Variants in PPP6R2 observed in about 807,000 individuals in gnomAD.
PPP6R2 encodes serine/threonine-protein phosphatase 6 regulatory subunit 2.
A neutral mutation model predicts 100.2 loss-of-function variants in PPP6R2; 62 were observed. The ratio of observed to expected loss-of-function variants is 0.62; its 90% CI spans 0.50 to 0.76. The LOEUF is 0.76. PPP6R2 is among the 30% of genes least tolerant of loss of function. PPP6R2 has a pLI of 0.00. For missense variants in PPP6R2, 1,142 were observed against 1,276.3 expected, an observed-to-expected ratio of 0.89 and a Z score of 1.60; for synonymous variants, 525 against 514.7, an observed-to-expected ratio of 1.02 and a Z score of -0.27.
chr22:50,338,851 G>GGT (rs1290733377), upstream of PPP6R2, among the ~76,000 whole-genome samples: 1 of 139,484 alleles, frequency 7.2e-6, no homozygotes. Context: ...TGTGGTGTGT[G>GGT]GTGTGTGATG....
At chr22:50,388,851 A>T (rs1052545476) in intron 2 of PPP6R2, 1 of 151,566 alleles carries the variant, frequency 6.6e-6, no homozygotes, top group Non-Finnish European at 1.5e-5. Flanking sequence ...CAGCGTGGGG[A>T]CAGAGTGAGA....
intron 4 of PPP6R2, among the ~76,000 whole-genome samples, chr22:50,414,331 G>GCCCCCCCCC (rs57634612): frequency 1.1e-4 from 3 of 26,772 alleles, no homozygotes; most frequent in Admixed American, 5.3e-4. Flanking sequence ...CTGTGCAGTG[G>GCCCCCCCCC]CCCCCCCCCC....
intron 3 of PPP6R2, among the ~76,000 whole-genome samples, chr22:50,396,355 T>A (rs1252650415): frequency 6.6e-6 from 1 of 150,698 alleles, no homozygotes; most frequent in Non-Finnish European, 1.5e-5. Flanking sequence ...ATTTGCTGGG[T>A]GTGGTGGCAT....
At chr22:50,419,293 A>C (rs2060983877) in intron 7 of PPP6R2, 56 bp from the exon 8 acceptor site, 1 of 1,471,384 alleles carries the variant, frequency 6.8e-7, no homozygotes. Flanking sequence ...GCATCCTTGC[A>C]TCCTTTGTGT....
intron 1 of PPP6R2, 72 bp from the exon 2 acceptor site, chr22:50,371,948 T>C (rs2050317222): frequency 6.6e-6 from 1 of 152,290 alleles, no homozygotes; most frequent in Non-Finnish European, 1.5e-5. Context: ...CCTTTTCCTG[T>C]TGTCTGCCAT....
At chr22:50,392,538 C>G (rs1196593312) in intron 2 of PPP6R2, among the ~76,000 whole-genome samples, 1 of 152,196 alleles carries the variant, frequency 6.6e-6, no homozygotes, top group Non-Finnish European at 1.5e-5. Context: ...GGGCCTCACC[C>G]TTAGCTGCAG....
chr22:50,351,559 C>G (rs1316843634), intron 1 of PPP6R2, among the ~76,000 whole-genome samples: 1 of 151,896 alleles, frequency 6.6e-6, no homozygotes, highest in Non-Finnish European at 1.5e-5. Flanking sequence ...CCATAGCCTC[C>G]TTCATCAATT....
chr22:50,406,593 G>A (rs2147155150), intron 3 of PPP6R2, 96 bp from the exon 4 acceptor site: 4 of 1,133,752 alleles, frequency 3.5e-6, no homozygotes, highest in South Asian at 2.8e-5. Flanking sequence ...GTTTGATCAC[G>A]TGGGTCTGCT....
At chr22:50,438,097 C>T in intron 17 of PPP6R2, 77 bp from the exon 18 acceptor site, 1 of 1,547,846 alleles carries the variant, frequency 6.5e-7, no homozygotes, top group South Asian at 1.2e-5. Flanking sequence ...CTAAGCCCCT[C>T]TGGGAGCTCT....
At chr22:50,370,686 T>C (rs540795800) in intron 1 of PPP6R2, among the ~76,000 whole-genome samples, 1 of 151,654 alleles carries the variant, frequency 6.6e-6, no homozygotes, top group Non-Finnish European at 1.5e-5. Flanking sequence ...CAGGCTGGAG[T>C]GCAGTGGCGT....
At chr22:50,390,233 C>G (rs982312361) in intron 2 of PPP6R2, among the ~76,000 whole-genome samples, 4 of 152,042 alleles carry the variant, frequency 2.6e-5, no homozygotes, top group African/African-American at 9.7e-5. Flanking sequence ...CTCAGGTGAT[C>G]CACCCGCTTC....
upstream of PPP6R2, among the ~76,000 whole-genome samples, chr22:50,338,858 GAT>G (rs2042334617): frequency 7.2e-6 from 1 of 139,784 alleles, no homozygotes; most frequent in Non-Finnish European, 1.5e-5. Context: ...TGTGGTGTGT[GAT>G]GTGTGTGGTA....
intron 4 of PPP6R2, among the ~76,000 whole-genome samples, chr22:50,411,214 G>T (rs2059693669): frequency 6.6e-6 from 1 of 152,212 alleles, no homozygotes; most frequent in Admixed American, 6.5e-5. Flanking sequence ...AACACTTTGG[G>T]AGGCCGAGGT....
Position 50,439,946 on chromosome 22 carries a change from C to T in PPP6R2, c.2286-15C>T, listed in dbSNP as rs752636391. 5.6e-6 allele frequency: 9 copies of T among 1,612,774 alleles called. No individual in the cohort carries two copies. Among genetic ancestry groups the T allele is most frequent in the South Asian group, 3.3e-5 (3 of 90,960 alleles). ...TGTCCCCCAGGACTGATCCTGTCCTCGTCCTTGTATGCAGCTCCGAGTCAG... is the reference window on the plus strand; with the variant it reads ...TGTCCCCCAGGACTGATCCTGTCCTTGTCCTTGTATGCAGCTCCGAGTCAG... On this transcript the variant is annotated splice_polypyrimidine_tract_variant and intron_variant, in intron 20 of 23. Coordinates refer to ENST00000612753, the MANE Select transcript of PPP6R2 (RefSeq NM_001242898.2).
intron 1 of PPP6R2, among the ~76,000 whole-genome samples, chr22:50,363,651 C>T (rs1172170222): frequency 6.6e-6 from 1 of 152,178 alleles, no homozygotes; most frequent in Non-Finnish European, 1.5e-5. Flanking sequence ...TGCTCATGAG[C>T]CTTTCAATCT....
intron 8 of PPP6R2, among the ~76,000 whole-genome samples, chr22:50,421,215 A>G (rs1246900701): frequency 2.6e-5 from 4 of 152,144 alleles, no homozygotes; most frequent in Non-Finnish European, 5.9e-5. Flanking sequence ...TGATATTTTA[A>G]TCTTCATAAA....
chr22:50,384,645 C>T (rs1009721666), intron 2 of PPP6R2, among the ~76,000 whole-genome samples: 3 of 152,220 alleles, frequency 2.0e-5, no homozygotes, highest in South Asian at 4.1e-4. Flanking sequence ...GGCCTTCTTG[C>T]TGCTGGGGAC....
intron 3 of PPP6R2, among the ~76,000 whole-genome samples, chr22:50,406,396 A>G (rs1005532600): frequency 2.0e-5 from 3 of 152,190 alleles, no homozygotes; most frequent in Non-Finnish European, 4.4e-5. Context: ...GCCTGGAGAG[A>G]GGAAAAGCCG....
chr22:50,388,630 T>C (rs906619222), intron 2 of PPP6R2, among the ~76,000 whole-genome samples: 3 of 151,972 alleles, frequency 2.0e-5, no homozygotes, highest in African/African-American at 7.2e-5. Flanking sequence ...TCCCAGCATT[T>C]TGGGAGGCCG....
Sources: gnomAD v4.1 joint callset for allele counts (sites outside exome capture counted in the v4.1 genomes callset) on GRCh38, gnomAD v4.1.1 for gene constraint, MANE v1.5 for transcripts, NCBI Gene and HGNC (gene_info 2026-07-23, HGNC 2026-07-21) for gene names.